TRAK2: variants seen among roughly 807,000 people sequenced by gnomAD.
TRAK2 encodes trafficking kinesin protein 2, also known as trafficking kinesin-binding protein 2.
A neutral mutation model predicts 104.6 loss-of-function variants in TRAK2; 81 were observed. That is an observed-to-expected ratio of 0.77 (90% CI 0.65 to 0.93). The LOEUF is 0.93. Ranked by LOEUF, TRAK2 falls within the 40% of genes least tolerant of loss-of-function variation. The pLI is 0.00. For synonymous variants in TRAK2, 406 were observed against 394.4 expected (o/e 1.03, Z -0.35); for missense variants, 1,002 against 1,089.0 (o/e 0.92, Z 1.12).
chr2:201,429,778 G>T (rs1951825206), intron 1 of TRAK2, among the ~76,000 whole-genome samples: 1 of 152,062 alleles, frequency 6.6e-6, no homozygotes, highest in African/African-American at 2.4e-5. Context: ...CTTTTTTCAA[G>T]GTTTTTAGCT....
chr2:201,437,668 C>T (rs1951888747), intron 1 of TRAK2, among the ~76,000 whole-genome samples: 1 of 152,142 alleles, frequency 6.6e-6, no homozygotes, highest in African/African-American at 2.4e-5. Context: ...ATTTATTTTT[C>T]AAGCCTATTG....
At chr2:201,414,591 C>T (rs1368429752) in intron 2 of TRAK2, among the ~76,000 whole-genome samples, 1 of 152,144 alleles carries the variant, frequency 6.6e-6, no homozygotes, top group African/African-American at 2.4e-5. Flanking sequence ...TTGATCACCA[C>T]AATGAGATAG....
At chr2:201,387,668 A>T in intron 13 of TRAK2, 35 bp downstream of exon 13, 1 of 1,521,442 alleles carries the variant, frequency 6.6e-7, no homozygotes. Flanking sequence ...CCAGTAAGTC[A>T]CATGGCTTAG....
At chr2:201,386,774 G>A (rs1187620709) in intron 13 of TRAK2, among the ~76,000 whole-genome samples, 3 of 152,200 alleles carry the variant, frequency 2.0e-5, no homozygotes, top group African/African-American at 7.2e-5. Flanking sequence ...CTGAGGCAGT[G>A]ATGGAAGATA....
At chr2:201,444,877 G>A (rs892120891) in intron 1 of TRAK2, among the ~76,000 whole-genome samples, 3 of 151,860 alleles carry the variant, frequency 2.0e-5, no homozygotes, top group Non-Finnish European at 4.4e-5. Flanking sequence ...AAACTGGTGG[G>A]GGAATTCTTT....
intron 1 of TRAK2, among the ~76,000 whole-genome samples, chr2:201,422,245 A>G (rs529345459): frequency 1.3e-5 from 2 of 151,702 alleles, no homozygotes; most frequent in African/African-American, 4.8e-5. Context: ...TTTGGGGGGA[A>G]AAAAAAAGCA....
chr2:201,397,636 C>A, intron 6 of TRAK2, 56 bp from the exon 7 acceptor site: 1 of 1,238,908 alleles, frequency 8.1e-7, no homozygotes, highest in Non-Finnish European at 1.2e-6. Context: ...ATAGAAATAA[C>A]TACAAAAACC....
intron 1 of TRAK2, among the ~76,000 whole-genome samples, chr2:201,444,660 T>C (rs1327986754): frequency 2.0e-5 from 3 of 151,100 alleles, no homozygotes; most frequent in South Asian, 2.1e-4. Flanking sequence ...TGTAATAATA[T>C]ACAAAATTAT....
At chr2:201,400,584 T>C (rs1007833313) in intron 4 of TRAK2, among the ~76,000 whole-genome samples, 2 of 151,846 alleles carry the variant, frequency 1.3e-5, no homozygotes, top group Non-Finnish European at 2.9e-5. Context: ...CTATACATAT[T>C]AAAAATGCCA....
chr2:201,438,394 G>A (rs1432226196), intron 1 of TRAK2, among the ~76,000 whole-genome samples: 1 of 152,144 alleles, frequency 6.6e-6, no homozygotes, highest in Non-Finnish European at 1.5e-5. Context: ...CTAGGTGCCA[G>A]GCATCATGTT....
intron 14 of TRAK2, among the ~76,000 whole-genome samples, chr2:201,385,654 C>G (rs756209434): frequency 3.9e-4 from 59 of 152,158 alleles, no homozygotes; most frequent in Non-Finnish European, 2.9e-5. Flanking sequence ...CATGTTTGTG[C>G]CTGGCTGCAT....
At chr2:201,433,301 C>A (rs776855446) in intron 1 of TRAK2, among the ~76,000 whole-genome samples, 1 of 152,224 alleles carries the variant, frequency 6.6e-6, no homozygotes, top group East Asian at 1.9e-4. Context: ...GAAAGCTACA[C>A]TGGCTACATT....
chr2:201,386,438 C>G lies in TRAK2; in HGVS notation c.1743G>C (p.Leu581Phe). 6.2e-7 allele frequency: 1 copy of G among 1,614,066 alleles called. No homozygotes were observed. Among genetic ancestry groups the G allele is most frequent in the Non-Finnish European group, 8.5e-7 (1 of 1,179,998 alleles). The change falls in exon 14 of 16, where the codon TTG (leucine) becomes TTC (phenylalanine). Residue 581 changes from leucine (L) to phenylalanine (F), a missense_variant. By Grantham distance (22) the Leu-to-Phe change is conservative. Transcript: ENST00000332624. Reference sequence around the variant, plus strand: ...CTGGTCGTGGATCAAGGATGGTTCCCAAGTTTGGTTGAGCAAGCTGCTGCC... The same window carrying G: ...CTGGTCGTGGATCAAGGATGGTTCCGAAGTTTGGTTGAGCAAGCTGCTGCC... ...YHWQQLAQPN[L>F]GTILDPRPGV...
intron 1 of TRAK2, among the ~76,000 whole-genome samples, chr2:201,430,284 G>C (rs981991510): frequency 3.3e-5 from 5 of 152,238 alleles, no homozygotes; most frequent in African/African-American, 1.2e-4. Context: ...TCAGGGACCC[G>C]CTTGAGGAGG....
chr2:201,381,520 T>A (rs988920354), intron 15 of TRAK2, among the ~76,000 whole-genome samples: 1 of 152,206 alleles, frequency 6.6e-6, no homozygotes, highest in African/African-American at 2.4e-5. Flanking sequence ...ATTTTAACTC[T>A]AAAATGTACA....
intron 1 of TRAK2, among the ~76,000 whole-genome samples, chr2:201,449,107 TTACTGAGCAGTTCAG>T (rs140249509): frequency 2.8e-3 from 427 of 152,316 alleles, no homozygotes; most frequent in African/African-American, 9.5e-3. Flanking sequence ...TTTTCGGGTC[TTACTGAGCAGTTCAG>T]TAAGAAATGG....
Position 201,397,531 on chromosome 2 carries a change from T to C in TRAK2, c.740A>G (p.Gln247Arg). The change falls in exon 7 of 16, where the codon CAG becomes CGG. Residue 247 changes from glutamine to arginine, a missense_variant. Physicochemically the swap from Gln to Arg is conservative, Grantham distance 43 (BLOSUM62 1). Coordinates refer to ENST00000332624, the MANE Select transcript of TRAK2 (RefSeq NM_015049.3). ...TTCTTTAACACAGTCGCTGACAAGC[T>C]GTTGTTCCTTTTCTTCATAGGTAAC... ...ETVTYEEKEQ[Q>R]LVSDCVKELR... 6.2e-7 allele frequency: 1 copy of C among 1,613,080 alleles called. No individual in the cohort carries two copies. The highest frequency in any genetic ancestry group is 8.5e-7 in the Non-Finnish European group (1 of 1,179,322).
intron 9 of TRAK2, among the ~76,000 whole-genome samples, chr2:201,393,470 T>C (rs1183894486): frequency 6.6e-6 from 1 of 152,190 alleles, no homozygotes; most frequent in Non-Finnish European, 1.5e-5. Context: ...ACAATGTCAG[T>C]GTGCTCAATC....
rs755420644 is a variant in TRAK2 at position 201,395,440 on chromosome 2, T to C, written c.774A>G (p.Glu258=). ...LVSDCVKELR[E]TNAQMSRMTE... ...TCATTCTGGACATCTGAGCATTTGT[T>C]TCACCTTGGAAGCAAAAAAAATTTT... The change falls in exon 8 of 16, where the codon GAA becomes GAG. Residue 258 remains glutamate (E), a synonymous_variant. Transcript: ENST00000332624. The C allele has an allele frequency of 6.5e-7, 1 of 1,528,718 alleles. No individual in the cohort carries two copies. Among genetic ancestry groups the C allele is most frequent in the Non-Finnish European group, 8.9e-7 (1 of 1,125,654 alleles). The allele number at this position is 1,528,718 out of a possible 1,614,324, so 94.7% of individuals were successfully genotyped here.
Sources: gnomAD v4.1 joint callset for allele counts (sites outside exome capture counted in the v4.1 genomes callset) on GRCh38, gnomAD v4.1.1 for gene constraint, MANE v1.5 for transcripts, NCBI Gene and HGNC (gene_info 2026-07-23, HGNC 2026-07-21) for gene names.